GRM7: variants seen among roughly 807,000 people sequenced by gnomAD.
GRM7 encodes metabotropic glutamate receptor 7.
In GRM7, 35 loss-of-function variants were observed where a neutral mutation model predicts 84.5. The observed-to-expected ratio is 0.41, with a 90% confidence interval of 0.32 to 0.55. The LOEUF is 0.55. GRM7 is among the 20% of genes least tolerant of loss of function. GRM7 has a pLI of 0.19. For synonymous variants in GRM7, 487 were observed against 455.1 expected (o/e 1.07, Z -0.89); for missense variants, 1,003 against 1,194.6 (o/e 0.84, Z 2.36).
At chr3:7,133,531 C>T (rs1277047449) in intron 1 of GRM7, among the ~76,000 whole-genome samples, 1 of 152,168 alleles carries the variant, frequency 6.6e-6, no homozygotes, top group African/African-American at 2.4e-5. Context: ...TCAACATCAC[C>T]AAGTTTGAGA....
At chr3:7,473,622 C>T (rs1018758709) in intron 7 of GRM7, among the ~76,000 whole-genome samples, 1 of 151,962 alleles carries the variant, frequency 6.6e-6, no homozygotes, top group Non-Finnish European at 1.5e-5. Flanking sequence ...TAAGGCACTT[C>T]TTTCAATGAG....
At chr3:7,710,909 G>A (rs947580853) in intron 9 of GRM7, among the ~76,000 whole-genome samples, 4 of 152,058 alleles carry the variant, frequency 2.6e-5, no homozygotes, top group African/African-American at 7.2e-5. Flanking sequence ...TCAACCTCAC[G>A]TTGCCTTCAG....
intron 4 of GRM7, among the ~76,000 whole-genome samples, chr3:7,389,590 A>G (rs1694911478): frequency 6.6e-6 from 1 of 152,048 alleles, no homozygotes; most frequent in Non-Finnish European, 1.5e-5. Context: ...TTCTTGTTGA[A>G]TTACAGAGTT....
intron 1 of GRM7, among the ~76,000 whole-genome samples, chr3:7,094,851 TA>T (rs1424652475): frequency 6.6e-6 from 1 of 152,156 alleles, no homozygotes; most frequent in African/African-American, 2.4e-5. Context: ...AAGTAAATGT[TA>T]AAAAAATTAC....
intron 4 of GRM7, among the ~76,000 whole-genome samples, chr3:7,399,960 G>A (rs906905862): frequency 2.0e-5 from 3 of 152,108 alleles, no homozygotes; most frequent in African/African-American, 7.2e-5. Flanking sequence ...ACACAAAAAC[G>A]CACGAAGACA....
intron 9 of GRM7, among the ~76,000 whole-genome samples, chr3:7,726,855 C>T (rs570745260): frequency 6.6e-6 from 1 of 150,840 alleles, no homozygotes; most frequent in South Asian, 2.1e-4. Context: ...CCCAACATGG[C>T]TGTTTCCTTT....
chr3:7,382,654 A>C (rs1694635248), intron 4 of GRM7, among the ~76,000 whole-genome samples: 1 of 152,240 alleles, frequency 6.6e-6, no homozygotes, highest in Non-Finnish European at 1.5e-5. Context: ...AATAGAATAC[A>C]TAGGAAGAGT....
chr3:7,138,388 T>C (rs1328818605), intron 1 of GRM7, among the ~76,000 whole-genome samples: 2 of 151,974 alleles, frequency 1.3e-5, no homozygotes, highest in Non-Finnish European at 2.9e-5. Flanking sequence ...GAAGAAAATG[T>C]TTTTGTATAT....
chr3:7,414,914 G>T, intron 4 of GRM7, 109 bp from the exon 5 acceptor site: 2 of 733,604 alleles, frequency 2.7e-6, no homozygotes, highest in African/African-American at 1.8e-5. Flanking sequence ...CGACACACAA[G>T]AGGATCCAAT....
At chr3:7,474,237 A>G (rs558560955) in intron 7 of GRM7, among the ~76,000 whole-genome samples, 59 of 152,298 alleles carry the variant, frequency 3.9e-4, no homozygotes, top group African/African-American at 1.4e-3. Flanking sequence ...TGCTATCAAC[A>G]TTCTTCTGTT....
chr3:6,891,593 G>A (rs953133221), intron 1 of GRM7, among the ~76,000 whole-genome samples: 24 of 152,234 alleles, frequency 1.6e-4, no homozygotes, highest in Admixed American at 7.2e-4. Context: ...AGTTTCTGCC[G>A]AGAGATCCAC....
chr3:7,521,795 C>T (rs1700605507), intron 7 of GRM7, among the ~76,000 whole-genome samples: 1 of 152,138 alleles, frequency 6.6e-6, no homozygotes, highest in South Asian at 2.1e-4. Context: ...CGCCGAGTAG[C>T]CCTCCCAAGT....
intron 1 of GRM7, among the ~76,000 whole-genome samples, chr3:6,935,156 A>G (rs1043679535): frequency 6.6e-6 from 1 of 152,212 alleles, no homozygotes; most frequent in Non-Finnish European, 1.5e-5. Flanking sequence ...GGAGCATTTC[A>G]TGTAGTAGAA....
At chr3:7,609,838 A>T (rs1046666011) in intron 8 of GRM7, among the ~76,000 whole-genome samples, 3 of 152,024 alleles carry the variant, frequency 2.0e-5, no homozygotes, top group African/African-American at 7.2e-5. Flanking sequence ...TTTGACAACC[A>T]CTCCTTTAAA....
intron 2 of GRM7, among the ~76,000 whole-genome samples, chr3:7,253,483 G>A (rs1698081422): frequency 6.6e-6 from 1 of 151,906 alleles, no homozygotes; most frequent in South Asian, 2.1e-4. Flanking sequence ...CAGGCATGGT[G>A]GTGGGTGCCT....
chr3:7,051,208 T>G (rs1056775171), intron 1 of GRM7, among the ~76,000 whole-genome samples: 1 of 151,706 alleles, frequency 6.6e-6, no homozygotes, highest in Non-Finnish European at 1.5e-5. Flanking sequence ...TAGAGAAAGG[T>G]CCCTTAGGAA....
intron 7 of GRM7, among the ~76,000 whole-genome samples, chr3:7,545,101 G>C (rs1277097569): frequency 1.3e-5 from 2 of 152,324 alleles, no homozygotes; most frequent in East Asian, 1.9e-4. Flanking sequence ...AGGATTAACA[G>C]AGTCATGTAA....
intron 9 of GRM7, chr3:7,691,368 G>C: frequency 1.4e-6 from 1 of 698,640 alleles, no homozygotes; most frequent in Non-Finnish European, 2.0e-6. Flanking sequence ...CCTGGCATGT[G>C]CTATCTTTTT....
At chr3:7,585,165 C>G in intron 8 of GRM7, among the ~76,000 whole-genome samples, 1 of 152,178 alleles carries the variant, frequency 6.6e-6, no homozygotes, top group East Asian at 1.9e-4. Context: ...GACAGGAACT[C>G]ATACTGGTTG....
Sources: gnomAD v4.1 joint callset for allele counts (sites outside exome capture counted in the v4.1 genomes callset) on GRCh38, gnomAD v4.1.1 for gene constraint, MANE v1.5 for transcripts, NCBI Gene and HGNC (gene_info 2026-07-23, HGNC 2026-07-21) for gene names.